The following FBXL20 variants were observed in gnomAD, a reference collection of about 807,000 sequenced individuals.
FBXL20 encodes F-box and leucine rich repeat protein 20.
A neutral mutation model predicts 64.0 loss-of-function variants in FBXL20; 11 were observed. The ratio of observed to expected loss-of-function variants is 0.17; its 90% CI spans 0.11 to 0.28. The LOEUF is 0.28. Among genes scored for constraint, FBXL20 ranks in the 10% least tolerant of loss-of-function variants. FBXL20 has a pLI of 1.00. For synonymous variants in FBXL20, 184 were observed against 189.0 expected (o/e 0.97, Z 0.22); for missense variants, 303 against 526.2 (o/e 0.58, Z 4.15).
At chr17:39,338,809 C>G (rs1220229438) in intron 2 of FBXL20, among the ~76,000 whole-genome samples, 1 of 152,066 alleles carries the variant, frequency 6.6e-6, no homozygotes, top group Non-Finnish European at 1.5e-5. Flanking sequence ...TATGAGAAAA[C>G]AAGAGTAAAC....
rs993168760 is a variant in FBXL20, at chr17:39,254,642, T to C, written c.*6818A>G. ...TCTTTGCCAGTAAAAAGGGGTGCAG[T>C]TGATCAGAGAGGAAAGTAAATGTAC... is the stretch of plus-strand genomic sequence containing the variant. On this transcript the variant is annotated 3_prime_UTR_variant, in exon 15 of 15. Coordinates refer to ENST00000264658, the MANE Select transcript of FBXL20 (RefSeq NM_032875.3). The C allele has an allele frequency of 6.5e-6, 1 of 154,196 alleles. No homozygotes were observed. The allele number at this position is 154,196 out of a possible 1,614,324, so 9.6% of individuals were successfully genotyped here.
intron 9 of FBXL20, among the ~76,000 whole-genome samples, chr17:39,279,997 A>G (rs961410364): frequency 1.3e-5 from 2 of 152,116 alleles, no homozygotes; most frequent in African/African-American, 4.8e-5. Context: ...CCTGGTCAAC[A>G]TGGCAAAAAC....
intron 6 of FBXL20, among the ~76,000 whole-genome samples, chr17:39,291,518 C>G (rs534695550): frequency 5.8e-4 from 86 of 147,812 alleles, no homozygotes; most frequent in African/African-American, 2.1e-3. Context: ...ACTGCAACCT[C>G]TGCCTCCTGG....
intron 2 of FBXL20, among the ~76,000 whole-genome samples, chr17:39,314,804 T>C (rs1363801578): frequency 1.3e-5 from 2 of 149,852 alleles, no homozygotes; most frequent in Non-Finnish European, 3.0e-5. Flanking sequence ...TCTTTTTTTT[T>C]TTTTTTTTTG....
At chr17:39,357,216 T>C (rs2047750261) in intron 1 of FBXL20, among the ~76,000 whole-genome samples, 1 of 144,328 alleles carries the variant, frequency 6.9e-6, no homozygotes, top group South Asian at 2.1e-4. Flanking sequence ...GAGGTTGAAG[T>C]GAGCCAAGTT....
chr17:39,383,308 T>C (rs1241218762), intron 1 of FBXL20, among the ~76,000 whole-genome samples: 1 of 151,864 alleles, frequency 6.6e-6, no homozygotes, highest in Non-Finnish European at 1.5e-5. Flanking sequence ...TAAACACACA[T>C]ACACAGACGC....
intron 1 of FBXL20, among the ~76,000 whole-genome samples, chr17:39,343,642 G>A (rs142507976): frequency 3.8e-3 from 579 of 152,072 alleles, no homozygotes; most frequent in African/African-American, 0.013. Context: ...TGAGGCAAGC[G>A]GATCGCTTGA....
At chr17:39,341,095 T>C (rs1297481951) in intron 2 of FBXL20, among the ~76,000 whole-genome samples, 2 of 152,082 alleles carry the variant, frequency 1.3e-5, no homozygotes, top group African/African-American at 4.8e-5. Flanking sequence ...AACCAATGTT[T>C]TGTATAGTTA....
intron 1 of FBXL20, among the ~76,000 whole-genome samples, chr17:39,390,476 A>G (rs1372386572): frequency 6.6e-6 from 1 of 151,534 alleles, no homozygotes; most frequent in Non-Finnish European, 1.5e-5. Flanking sequence ...CAGGAGAATC[A>G]CTTTAACCTG....
chr17:39,274,879 C>G (rs560055620), intron 10 of FBXL20, 91 bp downstream of exon 10: 181 of 1,552,828 alleles, frequency 1.2e-4, no homozygotes, highest in Non-Finnish European at 1.5e-4. Context: ...TCTGCAGTGC[C>G]TACCTTAAAA....
chr17:39,399,110 T>C (rs936300739), intron 1 of FBXL20, among the ~76,000 whole-genome samples: 6 of 152,212 alleles, frequency 3.9e-5, no homozygotes, highest in African/African-American at 1.2e-4. Context: ...CTGAAAATCA[T>C]AGAGCTTCAG....
intron 10 of FBXL20, among the ~76,000 whole-genome samples, chr17:39,272,312 G>A (rs927169447): frequency 6.6e-6 from 1 of 151,712 alleles, no homozygotes; most frequent in Non-Finnish European, 1.5e-5. Context: ...CTTGAACCCA[G>A]GAGGCGGAGT....
intron 3 of FBXL20, among the ~76,000 whole-genome samples, chr17:39,301,533 G>A (rs1205593277): frequency 1.3e-5 from 2 of 151,938 alleles, no homozygotes; most frequent in Non-Finnish European, 2.9e-5. Context: ...TTCGAGACCA[G>A]CCTGGCCAAC....
chr17:39,266,251 GCT>G (rs1204534843), intron 12 of FBXL20, among the ~76,000 whole-genome samples: 2 of 136,380 alleles, frequency 1.5e-5, no homozygotes, highest in African/African-American at 5.6e-5. Context: ...AGATAGTCTC[GCT>G]CTGTTGCCCA....
In FBXL20 at chr17:39,254,716, T is replaced by C. The variant is rs2046679480; in HGVS notation, c.*6744A>G. The C allele has an allele frequency of 6.5e-6, 1 of 154,538 alleles. No homozygotes were observed. The highest frequency in any genetic ancestry group is 1.5e-5 in the Non-Finnish European group (1 of 68,232). The allele number at this position is 154,538 out of a possible 1,614,324, so 9.6% of individuals were successfully genotyped here. A position where few individuals can be genotyped will look rare whatever the true frequency, so the allele number is the denominator to read the frequency against. The stretch of plus-strand genomic sequence containing the variant: ...ATGTATTCAAGACAGATGCTGTACC[T>C]GAGGCAAAGTACCCCAATTCTAGAG... On this transcript the variant is annotated 3_prime_UTR_variant, in exon 15 of 15. Coordinates refer to ENST00000264658, the MANE Select transcript of FBXL20 (RefSeq NM_032875.3).
intron 1 of FBXL20, among the ~76,000 whole-genome samples, chr17:39,346,469 G>A (rs1219007165): frequency 2.0e-5 from 3 of 152,100 alleles, no homozygotes; most frequent in African/African-American, 4.8e-5. Flanking sequence ...TAAAGACACC[G>A]AACTCTGGAC....
At chr17:39,335,331 T>C (rs575121656) in intron 2 of FBXL20, among the ~76,000 whole-genome samples, 1 of 152,192 alleles carries the variant, frequency 6.6e-6, no homozygotes, top group Admixed American at 6.6e-5. Flanking sequence ...TTAATCTGAC[T>C]GGGTTGATGC....
chr17:39,375,452 G>A (rs57418114), intron 1 of FBXL20, among the ~76,000 whole-genome samples: 6,936 of 152,186 alleles, frequency 0.046, 312 homozygotes, highest in African/African-American at 0.12. Context: ...TTAGATAGAA[G>A]ATACAAGTTC....
chr17:39,339,656 ACTT>A (rs1295385629), intron 2 of FBXL20, among the ~76,000 whole-genome samples: 2 of 125,730 alleles, frequency 1.6e-5, no homozygotes, highest in African/African-American at 8.5e-5. Flanking sequence ...AGTTCACAGA[ACTT>A]TTTTTTTTTT....
Sources: allele counts gnomAD v4.1 joint callset (sites outside exome capture counted in the v4.1 genomes callset), GRCh38; gene constraint gnomAD v4.1.1; transcripts MANE v1.5; gene names NCBI Gene and HGNC (gene_info 2026-07-23, HGNC 2026-07-21).